Variants in RNF180 observed in about 807,000 individuals in gnomAD.
RNF180 encodes ring finger protein 180.
In RNF180, 38 loss-of-function variants were observed where a neutral mutation model predicts 59.2. That is an observed-to-expected ratio of 0.64 (90% confidence interval 0.50 to 0.84). The LOEUF (loss-of-function observed/expected upper bound fraction) is 0.84, where lower values mean the gene tolerates loss of function less well. RNF180 is among the 40% of genes least tolerant of loss of function. RNF180 has a pLI of 0.00. For missense variants in RNF180, 705 were observed against 700.9 expected, an observed-to-expected ratio of 1.01 and a Z score of -0.07; for synonymous variants, 262 against 240.3, an observed-to-expected ratio of 1.09 and a Z score of -0.84.
At chr5:64,334,247 G>A (rs1232768707) in intron 7 of RNF180, among the ~76,000 whole-genome samples, 2 of 152,180 alleles carry the variant, frequency 1.3e-5, no homozygotes, top group Non-Finnish European at 2.9e-5. Context: ...AGCCTTTGTA[G>A]AGACACAGAA....
intron 7 of RNF180, among the ~76,000 whole-genome samples, chr5:64,354,547 A>G (rs751338467): frequency 2.6e-5 from 4 of 151,852 alleles, no homozygotes; most frequent in Non-Finnish European, 5.9e-5. Flanking sequence ...AATCCTTCTC[A>G]AACTGTTCAA....
intron 5 of RNF180, among the ~76,000 whole-genome samples, chr5:64,294,642 T>G (rs977151310): frequency 6.6e-6 from 1 of 152,210 alleles, no homozygotes; most frequent in African/African-American, 2.4e-5. Flanking sequence ...ATCCTCTCCC[T>G]CTTCCCACAG....
chr5:64,227,477 T>C (rs975333168), intron 5 of RNF180, among the ~76,000 whole-genome samples: 11 of 152,176 alleles, frequency 7.2e-5, no homozygotes, highest in Non-Finnish European at 1.3e-4. Flanking sequence ...CAGAGCAGCC[T>C]CTTAGCCTCA....
chr5:64,224,353 T>A (rs781216666), intron 5 of RNF180, among the ~76,000 whole-genome samples: 1 of 152,178 alleles, frequency 6.6e-6, no homozygotes, highest in Non-Finnish European at 1.5e-5. Context: ...GATCCTATGC[T>A]GTCCAACACC....
intron 7 of RNF180, among the ~76,000 whole-genome samples, chr5:64,341,823 C>T (rs1745366634): frequency 6.6e-6 from 1 of 152,078 alleles, no homozygotes; most frequent in Non-Finnish European, 1.5e-5. Context: ...TTGTGTCATA[C>T]CTTTTATACC....
intron 5 of RNF180, among the ~76,000 whole-genome samples, chr5:64,243,782 A>T (rs1580093889): frequency 6.6e-6 from 1 of 152,294 alleles, no homozygotes; most frequent in Admixed American, 6.5e-5. Flanking sequence ...CTGACCCCCG[A>T]GTCTCCTGAC....
rs938305653 is a variant in RNF180 at position 64,280,572 on chromosome 5, C to T, written c.1228-44614C>T. On this transcript the variant is annotated intron_variant, in intron 5 of 7. Transcript: ENST00000389100. ...TTTATTGAATAGGGAGTCTTTTCCT[C>T]ATTGTTTTTTTTTTGTCGACTTTGT... Among the ~76,000 whole-genome samples the T allele has an allele frequency of 3.3e-5, 5 of 151,526 alleles. No homozygotes were observed. In the South Asian group the frequency reaches 1.0e-3, roughly 32 times the overall value.
intron 6 of RNF180, among the ~76,000 whole-genome samples, chr5:64,327,408 G>T (rs1053368105): frequency 2.6e-5 from 4 of 151,956 alleles, no homozygotes; most frequent in Admixed American, 1.3e-4. Context: ...CTAGTGCTTT[G>T]ATGTATTTAT....
chr5:64,178,903 A>G (rs1176288690), intron 1 of RNF180, among the ~76,000 whole-genome samples: 1 of 152,096 alleles, frequency 6.6e-6, no homozygotes, highest in Non-Finnish European at 1.5e-5. Flanking sequence ...CAATGCAGAC[A>G]TTTTGATTCA....
chr5:64,234,994 G>A (rs931774825), intron 5 of RNF180, among the ~76,000 whole-genome samples: 3 of 152,130 alleles, frequency 2.0e-5, no homozygotes, highest in African/African-American at 7.2e-5. Context: ...AACAAAGCAG[G>A]GGACTGGTGG....
chr5:64,253,049 C>T (rs1743688135), intron 5 of RNF180, among the ~76,000 whole-genome samples: 2 of 152,048 alleles, frequency 1.3e-5, no homozygotes, highest in African/African-American at 4.8e-5. Context: ...CTATTTACCA[C>T]TAAAAAACTG....
rs73097038 is a variant in RNF180 at position 64,212,418 on chromosome 5, T to C, written c.231+258T>C. 8.1e-3 allele frequency among the ~76,000 whole-genome samples: 1,237 copies of C among 152,018 alleles called. 17 individuals carry two copies. Among genetic ancestry groups the C allele is most frequent in the African/African-American group, 0.029 (1,183 of 41,472 alleles). On this transcript the variant is annotated intron_variant, in intron 3 of 7. Coordinates refer to ENST00000389100, the MANE Select transcript of RNF180 (RefSeq NM_001113561.2). ...TATACAGAAGCATATATATGACATATATATTATTATACACACACATATACA... is the reference window on the plus strand; with the variant it reads ...TATACAGAAGCATATATATGACATACATATTATTATACACACACATATACA...
chr5:64,326,014 G>C (rs1003915627), intron 6 of RNF180, among the ~76,000 whole-genome samples: 1 of 152,016 alleles, frequency 6.6e-6, no homozygotes, highest in Non-Finnish European at 1.5e-5. Flanking sequence ...AATGACTAAG[G>C]GTAGAATGAT....
intron 5 of RNF180, among the ~76,000 whole-genome samples, chr5:64,221,832 G>A (rs1004324103): frequency 1.3e-5 from 2 of 152,080 alleles, no homozygotes; most frequent in Non-Finnish European, 2.9e-5. Context: ...TTTGAAGATA[G>A]TACAGGGAGT....
At chr5:64,307,303 A>G (rs1209066971) in intron 5 of RNF180, among the ~76,000 whole-genome samples, 1 of 151,450 alleles carries the variant, frequency 6.6e-6, no homozygotes, top group East Asian at 1.9e-4. Context: ...CCTATTTGCT[A>G]TTTCTGACAC....
chr5:64,268,569 T>G (rs755634844), intron 5 of RNF180, among the ~76,000 whole-genome samples: 1 of 152,178 alleles, frequency 6.6e-6, no homozygotes, highest in African/African-American at 2.4e-5. Context: ...ATTCCTTAAC[T>G]TTTAAAATCA....
intron 2 of RNF180, 102 bp downstream of exon 2, chr5:64,201,044 T>G (rs1751717162): frequency 1.2e-6 from 1 of 866,886 alleles, no homozygotes; most frequent in South Asian, 2.7e-5. Context: ...TTAAGAATAT[T>G]TATAGTTCTT....
intron 5 of RNF180, among the ~76,000 whole-genome samples, chr5:64,245,001 C>G (rs1743063420): frequency 6.6e-6 from 1 of 152,116 alleles, no homozygotes; most frequent in African/African-American, 2.4e-5. Flanking sequence ...GCTTCATAAG[C>G]AAAGGAGAAA....
At chr5:64,254,383 T>C (rs1743790921) in intron 5 of RNF180, among the ~76,000 whole-genome samples, 1 of 152,200 alleles carries the variant, frequency 6.6e-6, no homozygotes, top group South Asian at 2.1e-4. Context: ...TTTCTGGTAA[T>C]GTATGGCTCT....
Sources: gnomAD v4.1 joint callset for allele counts (sites outside exome capture counted in the v4.1 genomes callset) on GRCh38, gnomAD v4.1.1 for gene constraint, MANE v1.5 for transcripts, NCBI Gene and HGNC (gene_info 2026-07-23, HGNC 2026-07-21) for gene names.